MPP7: variants seen among roughly 807,000 people sequenced by gnomAD.
MPP7 encodes MAGUK p55 subfamily member 7.
In MPP7, 60 loss-of-function variants were observed where a neutral mutation model predicts 76.5. That is an observed-to-expected ratio of 0.78 (90% confidence interval 0.64 to 0.97). MPP7 has a LOEUF of 0.97. Among genes scored for constraint, MPP7 ranks in the 50% least tolerant of loss-of-function variants. The pLI, the probability that MPP7 is intolerant of heterozygous loss-of-function variation, is 0.00. For missense variants in MPP7, 641 were observed against 694.0 expected (o/e 0.92, Z 0.86); for synonymous variants, 237 against 244.5 (o/e 0.97, Z 0.29).
intron 2 of MPP7, among the ~76,000 whole-genome samples, chr10:28,204,892 C>T (rs1837900672): frequency 6.6e-6 from 1 of 152,166 alleles, no homozygotes; most frequent in Non-Finnish European, 1.5e-5. Context: ...AGAAATAAAA[C>T]CACGCTAGTC....
chr10:28,253,456 A>G (rs1476136276), intron 1 of MPP7, among the ~76,000 whole-genome samples: 2 of 152,156 alleles, frequency 1.3e-5, no homozygotes, highest in African/African-American at 4.8e-5. Flanking sequence ...CCAGGGCCAC[A>G]CTCCAGGTTT....
intron 1 of MPP7, among the ~76,000 whole-genome samples, chr10:28,246,016 G>A (rs1014728008): frequency 1.3e-5 from 2 of 151,910 alleles, no homozygotes; most frequent in Non-Finnish European, 2.9e-5. Flanking sequence ...ATGAATATAC[G>A]CACTATGGGA....
rs186269912 is a variant in MPP7 at position 28,313,731 on chromosome 10, G to C, written c.-132+16198C>G. On this transcript the variant is annotated intron_variant, in intron 2 of 11. Coordinates refer to the MPP7 transcript ENST00000441595. The stretch of plus-strand genomic sequence containing the variant: ...GAGACAGGGTCTGCTCGGTCCCCCA[G>C]GTTGGAGTACAGTGGCACAATCTTG... Among the ~76,000 whole-genome samples, 5 of 152,166 alleles carry C rather than the reference G, an allele frequency of 3.3e-5. No individual in the cohort carries two copies. The East Asian group carries it at 9.7e-4, about 29-fold the overall frequency.
At chr10:28,104,726 T>A (rs2133532672) in intron 11 of MPP7, among the ~76,000 whole-genome samples, 1 of 152,314 alleles carries the variant, frequency 6.6e-6, no homozygotes, top group Non-Finnish European at 1.5e-5. Context: ...GTCCTATTAT[T>A]TCACTGTGGA....
intron 2 of MPP7, among the ~76,000 whole-genome samples, chr10:28,327,376 C>T (rs951842757): frequency 1.4e-5 from 2 of 140,658 alleles, no homozygotes; most frequent in Non-Finnish European, 3.0e-5. Context: ...AAAAGATTTG[C>T]AGCTGGAAAA....
At chr10:28,159,451 C>T (rs1214484252) in intron 3 of MPP7, among the ~76,000 whole-genome samples, 2 of 152,102 alleles carry the variant, frequency 1.3e-5, no homozygotes, top group Non-Finnish European at 2.9e-5. Flanking sequence ...AGTATATTTT[C>T]CAAAATAAAA....
intron 5 of MPP7, among the ~76,000 whole-genome samples, chr10:28,143,090 C>G (rs1481881502): frequency 6.6e-6 from 1 of 150,680 alleles, no homozygotes. Context: ...TACAAAATGC[C>G]AAAAATATTA....
At chr10:28,305,848 T>G (rs1395863646), upstream of MPP7, 1 of 152,222 alleles carries the variant, frequency 6.6e-6, no homozygotes, top group African/African-American at 2.4e-5. Context: ...GAGCAAAATA[T>G]GAGGAGAAGC....
At chr10:28,274,261 C>G (rs1368983236) in intron 1 of MPP7, among the ~76,000 whole-genome samples, 1 of 151,706 alleles carries the variant, frequency 6.6e-6, no homozygotes, top group Non-Finnish European at 1.5e-5. Flanking sequence ...AGCCACCACG[C>G]CCGGCTAATT....
At chr10:28,068,040 A>G (rs1331301906) in intron 13 of MPP7, among the ~76,000 whole-genome samples, 1 of 150,338 alleles carries the variant, frequency 6.7e-6, no homozygotes, top group Non-Finnish European at 1.5e-5. Flanking sequence ...AATACACAGT[A>G]GGAAGTTTAA....
chr10:28,184,615 T>C (rs1465956517), intron 3 of MPP7, among the ~76,000 whole-genome samples: 1 of 149,392 alleles, frequency 6.7e-6, no homozygotes, highest in Non-Finnish European at 1.5e-5. Flanking sequence ...GGCTGACACG[T>C]AAGAATCACT....
At position 28,131,670 on chromosome 10, in the gene MPP7, T is replaced by C; in HGVS notation, c.337A>G (p.Thr113Ala). 3.1e-6 allele frequency: 5 copies of C among 1,597,924 alleles called. No individual in the cohort carries two copies. Among genetic ancestry groups the C allele is most frequent in the Non-Finnish European group, 4.3e-6 (5 of 1,170,122 alleles). Residue 113 changes from threonine (T) to alanine (A), a missense_variant, in exon 6 of 17, where the codon ACT becomes GCT. Thr to Ala is a moderately conservative substitution (Grantham distance 58). Transcript: ENST00000683449. ...NVKALLSVHD[T>A]VAQKNYDPVL... ...GGGTCGTAATTCTTCTGAGCCACAG[T>C]ATCATGTACAGAGAGCAAAGCCTGT... is the stretch of plus-strand genomic sequence containing the variant.
intron 2 of MPP7, among the ~76,000 whole-genome samples, chr10:28,207,555 C>CTTAACT (rs1837989058): frequency 6.6e-6 from 1 of 151,906 alleles, no homozygotes; most frequent in Non-Finnish European, 1.5e-5. Context: ...CATGGTGGTG[C>CTTAACT]ACACCTGTAG....
chr10:28,252,385 C>CA (rs1176962182), intron 1 of MPP7, among the ~76,000 whole-genome samples: 52 of 152,232 alleles, frequency 3.4e-4, no homozygotes, highest in Admixed American at 3.4e-3. Context: ...ATCACTGCTA[C>CA]AATCACTGCT....
chr10:28,244,397 G>A (rs957345907), intron 1 of MPP7, among the ~76,000 whole-genome samples: 24 of 152,016 alleles, frequency 1.6e-4, no homozygotes, highest in Admixed American at 9.2e-4. Flanking sequence ...TCTCAGACTC[G>A]TCACTATACA....
intron 1 of MPP7, among the ~76,000 whole-genome samples, chr10:28,265,863 G>C (rs1316316297): frequency 6.6e-6 from 1 of 152,086 alleles, no homozygotes; most frequent in East Asian, 1.9e-4. Flanking sequence ...ATTTTTAAGA[G>C]CAAAAAAACT....
chr10:28,325,082 G>A (rs973467487), intron 2 of MPP7, among the ~76,000 whole-genome samples: 33 of 152,104 alleles, frequency 2.2e-4, no homozygotes, highest in African/African-American at 7.2e-4. Context: ...TTGTAGAGAT[G>A]GAGGTCCCAC....
At chr10:28,088,209 T>C (rs4333922) in intron 12 of MPP7, among the ~76,000 whole-genome samples, 3 of 151,780 alleles carry the variant, frequency 2.0e-5, no homozygotes, top group Admixed American at 6.6e-5. Flanking sequence ...AGGTTCTCCA[T>C]TGATTCTCAT....
chr10:28,273,534 G>A (rs1035498083), intron 1 of MPP7, among the ~76,000 whole-genome samples: 2 of 152,170 alleles, frequency 1.3e-5, no homozygotes, highest in Non-Finnish European at 2.9e-5. Context: ...TTACCTCAAT[G>A]AACTGAGAAC....
Sources: allele counts gnomAD v4.1 joint callset (sites outside exome capture counted in the v4.1 genomes callset), GRCh38; gene constraint gnomAD v4.1.1; transcripts MANE v1.5; gene names NCBI Gene and HGNC (gene_info 2026-07-23, HGNC 2026-07-21).